CAMKMT: variants seen among roughly 807,000 people sequenced by gnomAD.
CAMKMT encodes the protein calmodulin-lysine N-methyltransferase.
A neutral mutation model predicts 48.0 loss-of-function variants in CAMKMT; 53 were observed. The ratio of observed to expected loss-of-function variants is 1.10; its 90% CI spans 0.89 to 1.39. The LOEUF is 1.39. Ranked by LOEUF, CAMKMT falls within the 40% of genes most tolerant of loss-of-function variation. The pLI is 0.00. For synonymous variants in CAMKMT, 165 were observed against 152.3 expected, an observed-to-expected ratio of 1.08 and a Z score of -0.61; for missense variants, 428 against 402.7, an observed-to-expected ratio of 1.06 and a Z score of -0.54.
intron 3 of CAMKMT, among the ~76,000 whole-genome samples, chr2:44,564,517 T>G (rs1668505458): frequency 6.6e-6 from 1 of 151,942 alleles, no homozygotes; most frequent in Non-Finnish European, 1.5e-5. Context: ...ATTGCTATTA[T>G]TTGCCAAGCT....
intron 3 of CAMKMT, among the ~76,000 whole-genome samples, chr2:44,686,221 G>GT (rs1676326841): frequency 6.6e-6 from 1 of 151,706 alleles, no homozygotes; most frequent in Non-Finnish European, 1.5e-5. Flanking sequence ...ATGAAACACC[G>GT]TATCTACTAA....
At chr2:44,449,989 A>G (rs1252813228) in intron 3 of CAMKMT, among the ~76,000 whole-genome samples, 1 of 152,180 alleles carries the variant, frequency 6.6e-6, no homozygotes, top group Non-Finnish European at 1.5e-5. Flanking sequence ...ATGATAATCC[A>G]GAGATGCTCA....
chr2:44,595,511 G>A (rs181536070), intron 3 of CAMKMT, among the ~76,000 whole-genome samples: 1,758 of 152,210 alleles, frequency 0.012, 28 homozygotes, highest in Non-Finnish European at 0.018. Context: ...CAAACAAATG[G>A]AAAAACATTG....
chr2:44,479,491 C>G (rs1462131289), intron 3 of CAMKMT, among the ~76,000 whole-genome samples: 2 of 152,034 alleles, frequency 1.3e-5, no homozygotes, highest in Non-Finnish European at 2.9e-5. Flanking sequence ...GCTTTTAAAC[C>G]AACATTTTTG....
chr2:44,562,096 T>C (rs1668354346), intron 3 of CAMKMT, among the ~76,000 whole-genome samples: 1 of 152,098 alleles, frequency 6.6e-6, no homozygotes, highest in South Asian at 2.1e-4. Flanking sequence ...GTAGGAGGTT[T>C]ATTGGGGTAT....
At chr2:44,511,885 C>G (rs1048252554) in intron 3 of CAMKMT, among the ~76,000 whole-genome samples, 3 of 152,146 alleles carry the variant, frequency 2.0e-5, no homozygotes, top group Non-Finnish European at 1.5e-5. Context: ...ACCAATCTGT[C>G]CAACCTGCTT....
At chr2:44,453,643 A>G (rs1667411164) in intron 3 of CAMKMT, among the ~76,000 whole-genome samples, 1 of 152,106 alleles carries the variant, frequency 6.6e-6, no homozygotes. Flanking sequence ...TGTATCATGT[A>G]GTTTATAGCG....
chr2:44,408,108 C>T (rs1180572626), intron 3 of CAMKMT, among the ~76,000 whole-genome samples: 1 of 150,120 alleles, frequency 6.7e-6, no homozygotes. Flanking sequence ...TCACTGCAAC[C>T]TCCACCTCCC....
At chr2:44,516,556 G>A (rs1670842065) in intron 3 of CAMKMT, among the ~76,000 whole-genome samples, 1 of 151,906 alleles carries the variant, frequency 6.6e-6, no homozygotes, top group Admixed American at 6.6e-5. Flanking sequence ...TTCTATTTGG[G>A]ATAGCTATAA....
At chr2:44,447,500 C>G (rs1364513938) in intron 3 of CAMKMT, among the ~76,000 whole-genome samples, 1 of 152,078 alleles carries the variant, frequency 6.6e-6, no homozygotes, top group African/African-American at 2.4e-5. Flanking sequence ...ACAGCCCATC[C>G]CCCCCAACCT....
chr2:44,528,327 T>C (rs927123963), intron 3 of CAMKMT, among the ~76,000 whole-genome samples: 2 of 152,118 alleles, frequency 1.3e-5, no homozygotes, highest in African/African-American at 4.8e-5. Flanking sequence ...TTATTTATAT[T>C]AGAAAAATTT....
intron 8 of CAMKMT, 79 bp downstream of exon 8, chr2:44,743,775 A>G (rs1679804268): frequency 9.5e-7 from 1 of 1,052,000 alleles, no homozygotes; most frequent in Non-Finnish European, 1.4e-6. Context: ...TGCTTAGCTG[A>G]CGGCTAAGCA....
chr2:44,609,883 T>A (rs757521254), intron 3 of CAMKMT, among the ~76,000 whole-genome samples: 1 of 152,206 alleles, frequency 6.6e-6, no homozygotes, highest in Non-Finnish European at 1.5e-5. Flanking sequence ...AAAACATCTT[T>A]CAGATGTGCT....
chr2:44,757,358 C>A (rs1199610657), intron 9 of CAMKMT, among the ~76,000 whole-genome samples: 2 of 152,194 alleles, frequency 1.3e-5, no homozygotes, highest in African/African-American at 4.8e-5. Context: ...ATTCTCCTCG[C>A]AGAGAGAAGG....
At chr2:44,666,812 G>A (rs535753346) in intron 3 of CAMKMT, among the ~76,000 whole-genome samples, 3 of 152,232 alleles carry the variant, frequency 2.0e-5, no homozygotes, top group East Asian at 3.9e-4. Flanking sequence ...ATTTCTCCAC[G>A]TTGGCCAGGA....
chr2:44,546,139 A>G (rs1667382943), intron 3 of CAMKMT, among the ~76,000 whole-genome samples: 1 of 144,534 alleles, frequency 6.9e-6, no homozygotes, highest in African/African-American at 2.6e-5. Context: ...GGATCTGGCT[A>G]TCTTAGACTG....
intron 3 of CAMKMT, among the ~76,000 whole-genome samples, chr2:44,702,971 C>T (rs1163579349): frequency 1.3e-5 from 2 of 152,110 alleles, no homozygotes; most frequent in Admixed American, 1.3e-4. Flanking sequence ...GTAGATGTTT[C>T]AACCTTGCAT....
At chr2:44,634,298 A>G (rs1030962380) in intron 3 of CAMKMT, among the ~76,000 whole-genome samples, 1 of 151,722 alleles carries the variant, frequency 6.6e-6, no homozygotes, top group African/African-American at 2.4e-5. Context: ...CAACTTAATG[A>G]GTCATCCACT....
chr2:44,592,343 C>G (rs1050526211), intron 3 of CAMKMT, among the ~76,000 whole-genome samples: 4 of 152,012 alleles, frequency 2.6e-5, no homozygotes, highest in Non-Finnish European at 5.9e-5. Context: ...TCCATTTCAT[C>G]TAAGTTGTCA....
Sources: allele counts gnomAD v4.1 joint callset (sites outside exome capture counted in the v4.1 genomes callset), GRCh38; gene constraint gnomAD v4.1.1; transcripts MANE v1.5; gene names NCBI Gene and HGNC (gene_info 2026-07-23, HGNC 2026-07-21).